Variants in SGSM2 observed in about 807,000 individuals in gnomAD.
SGSM2 encodes small G protein signaling modulator 2.
In SGSM2, 89 loss-of-function variants were observed where a neutral mutation model predicts 126.6. The ratio of observed to expected loss-of-function variants is 0.70; its 90% confidence interval spans 0.59 to 0.84. The LOEUF (loss-of-function observed/expected upper bound fraction) is 0.84, where lower values mean the gene tolerates loss of function less well. Among genes scored for constraint, SGSM2 ranks in the 40% least tolerant of loss-of-function variants. SGSM2 has a pLI of 0.00. For synonymous variants in SGSM2, 614 were observed against 574.3 expected (o/e 1.07, Z -0.99); for missense variants, 1,404 against 1,416.6 (o/e 0.99, Z 0.14).
rs747923919 is a variant in SGSM2, at chr17:2,362,844, C to T, written c.465C>T (p.Tyr155=). The T allele has an allele frequency of 1.2e-6, 2 of 1,614,080 alleles. No individual in the cohort carries two copies. Among genetic ancestry groups the T allele is most frequent in the Non-Finnish European group, 1.7e-6 (2 of 1,180,036 alleles). The change falls in exon 5 of 24, where the codon TAC becomes TAT. Residue 155 remains tyrosine, a synonymous_variant. Coordinates refer to ENST00000268989, the MANE Select transcript of SGSM2 (RefSeq NM_014853.3). This position sits in a 1 kb window ranked among gnomAD's most constrained non-coding sequence, Gnocchi z 4.9. ...VQYLAENCSK[Y]YEKEALLADP... is the part of the protein sequence containing the mutation. ...ACTGTCTGTCTCCTGGCAGCAAGTA[C>T]TACGAGAAGGAGGCACTGCTGGCAG...
At chr17:2,365,737 G>T (rs1001510494) in intron 11 of SGSM2, among the ~76,000 whole-genome samples, 37 of 149,888 alleles carry the variant, frequency 2.5e-4, no homozygotes, top group Non-Finnish European at 3.6e-4. Flanking sequence ...TATGGGACCA[G>T]CGCTACTTTT....
intron 2 of SGSM2, among the ~76,000 whole-genome samples, chr17:2,350,074 A>G (rs2064785553): frequency 6.6e-6 from 1 of 151,916 alleles, no homozygotes; most frequent in Non-Finnish European, 1.5e-5. Flanking sequence ...GGCGTAAGCC[A>G]CCACGCCTGG....
At chr17:2,352,816 C>T (rs1226480700) in intron 2 of SGSM2, among the ~76,000 whole-genome samples, 3 of 105,554 alleles carry the variant, frequency 2.8e-5, no homozygotes, top group East Asian at 7.2e-4. Flanking sequence ...CTCGCTCTGT[C>T]GCCCAGGCTG....
rs749372415 is a variant in SGSM2, at chr17:2,373,511, G to C, written c.2098G>C (p.Asp700His). 8.7e-6 allele frequency: 14 copies of C among 1,601,002 alleles called. No homozygotes were observed. Among genetic ancestry groups the C allele is most frequent in the Non-Finnish European group, 1.2e-5 (14 of 1,177,844 alleles). The change falls in exon 17 of 24, where the codon GAT (aspartate) becomes CAT (histidine). Residue 700 changes from aspartate to histidine, a missense_variant and splice_region_variant. Coordinates refer to ENST00000268989, the MANE Select transcript of SGSM2 (RefSeq NM_014853.3). ...LIHRDSTISN[D>H]VFISVDDLEP... ...CCACCGAGACTCCACCATCAGCAAC[G>C]ATGTGAGCCAGACGGGACCTGGAGG...
rs751377112 is a variant in SGSM2 at position 2,364,581 on chromosome 17, C to G, written c.933-15C>G. ...GGTCTTTGGACACAGTGACAGCAGT[C>G]TGGTTCCTTTCTAGCGTTTACTGGG... On this transcript the variant is annotated splice_polypyrimidine_tract_variant and intron_variant, in intron 8 of 23. Transcript: ENST00000268989. 5.5e-5 allele frequency: 88 copies of G among 1,613,914 alleles called. No individual in the cohort carries two copies. The highest frequency in any genetic ancestry group is 7.4e-5 in the Non-Finnish European group (87 of 1,179,892).
intron 2 of SGSM2, among the ~76,000 whole-genome samples, chr17:2,353,198 C>T (rs959570283): frequency 2.0e-5 from 3 of 152,146 alleles, no homozygotes; most frequent in Admixed American, 6.5e-5. Flanking sequence ...TCACCTGCTG[C>T]TGCCCTAAGC....
intron 10 of SGSM2, 42 bp from the exon 11 acceptor site, chr17:2,365,173 C>A: frequency 6.3e-7 from 1 of 1,592,864 alleles, no homozygotes; most frequent in South Asian, 1.1e-5. Flanking sequence ...CTGGATGAGA[C>A]TCTGCCCTAT....
At position 2,379,657 on chromosome 17, in the gene SGSM2, C is replaced by T. The variant is rs183087021; in HGVS notation, c.*137C>T. ...AACAAAGCGGTTGTGAGCCTGGATC[C>T]GACTCCCGGCAGTGCTGACCCTGCA... On this transcript the variant is annotated 3_prime_UTR_variant, in exon 24 of 24. Coordinates refer to ENST00000268989, the MANE Select transcript of SGSM2 (RefSeq NM_014853.3). 211 of 1,459,360 alleles carry T rather than the reference C, an allele frequency of 1.4e-4. 1 individual carries two copies. Among genetic ancestry groups the T allele is most frequent in the South Asian group, 4.9e-4 (36 of 72,870 alleles). The allele number at this position is 1,459,360 out of a possible 1,614,324, so 90.4% of individuals were successfully genotyped here.
At chr17:2,369,028 G>A (rs1238371226) in intron 12 of SGSM2, among the ~76,000 whole-genome samples, 1 of 152,194 alleles carries the variant, frequency 6.6e-6, no homozygotes, top group African/African-American at 2.4e-5. Context: ...GGGCTCATCT[G>A]TGCATCCTCT....
rs1304324760 is a variant in SGSM2 at position 2,337,665 on chromosome 17, C to T, written c.-24C>T. 5.5e-6 allele frequency: 8 copies of T among 1,452,264 alleles called. No individual in the cohort carries two copies. Among genetic ancestry groups the T allele is most frequent in the Non-Finnish European group, 3.7e-6 (4 of 1,090,124 alleles). 90.0% of individuals were successfully genotyped at this position (1,452,264 alleles called of 1,614,324 possible). A position where few individuals can be genotyped will look rare whatever the true frequency, so the allele number is the denominator to read the frequency against. ...GAGGGCGCGGGGGCTCTGAGGACCG[C>T]TCGGCGCCGCCTCCTGCCACACCAT... On this transcript the variant is annotated 5_prime_UTR_variant, in exon 1 of 24. Coordinates refer to ENST00000268989, the MANE Select transcript of SGSM2 (RefSeq NM_014853.3). The surrounding 1 kb of genome is among the most constrained non-coding windows in gnomAD (Gnocchi z 5.1).
intron 2 of SGSM2, 100 bp downstream of exon 2, chr17:2,343,720 A>G: frequency 1.0e-6 from 1 of 996,784 alleles, no homozygotes; most frequent in Non-Finnish European, 1.5e-6. Context: ...TAGCTCTCAA[A>G]TCTGGCTGCA....
At chr17:2,340,836 G>T (rs891150369) in intron 1 of SGSM2, among the ~76,000 whole-genome samples, 7 of 152,066 alleles carry the variant, frequency 4.6e-5, no homozygotes, top group Non-Finnish European at 8.8e-5. Context: ...CGCCCACCTT[G>T]GCCTCCCAAA....
In SGSM2 at chr17:2,379,017, A is replaced by G; in HGVS notation, c.2900-19A>G. The G allele has an allele frequency of 1.2e-6, 2 of 1,608,590 alleles. No individual in the cohort carries two copies. The highest frequency in any genetic ancestry group is 1.7e-6 in the Non-Finnish European group (2 of 1,176,220). On this transcript the variant is annotated intron_variant, in intron 22 of 23. Coordinates refer to ENST00000268989, the MANE Select transcript of SGSM2 (RefSeq NM_014853.3). ...TATGCGGCTAGGACGGGTGAGCAGC[A>G]GCCGCTTACTCTCCGCAGAACTGCT... is the stretch of plus-strand genomic sequence containing the variant.
At position 2,363,683 on chromosome 17, in the gene SGSM2, C is replaced by T; in HGVS notation, c.807+84C>T. On this transcript the variant is annotated intron_variant, in intron 7 of 23. Transcript: ENST00000268989. The surrounding 1 kb of genome is among the most constrained non-coding windows in gnomAD (Gnocchi z 4.2). ...GCCTCTAGCCATGGCTATTCCTTTC[C>T]TGAGGAGCTTGACCAGAGACGGGGG... The T allele has an allele frequency of 1.2e-5, 18 of 1,551,170 alleles. No homozygotes were observed. The highest frequency in any genetic ancestry group is 1.5e-5 in the Non-Finnish European group (17 of 1,143,320).
In SGSM2 at chr17:2,379,557, G is replaced by T; in HGVS notation, c.*37G>T. ...GAGGCAGCAGCCGTGCAGAGCCTGG[G>T]CTCCGGCAGGGAGAGGTGCAGGGGA... On this transcript the variant is annotated 3_prime_UTR_variant, in exon 24 of 24. Transcript: ENST00000268989. The T allele has an allele frequency of 6.3e-7, 1 of 1,595,818 alleles. No individual in the cohort carries two copies.
At chr17:2,342,963 C>T (rs1404001325) in intron 1 of SGSM2, among the ~76,000 whole-genome samples, 6 of 152,030 alleles carry the variant, frequency 3.9e-5, no homozygotes, top group African/African-American at 9.7e-5. Flanking sequence ...GGCAACAGAG[C>T]GAGACTCCAT....
chr17:2,351,271 G>A (rs991424817), intron 2 of SGSM2, among the ~76,000 whole-genome samples: 14 of 151,974 alleles, frequency 9.2e-5, no homozygotes, highest in African/African-American at 3.4e-4. Context: ...AAAAAGGAGA[G>A]GAGCTAGTGT....
intron 2 of SGSM2, among the ~76,000 whole-genome samples, chr17:2,347,094 CGTTT>C (rs1326953881): frequency 3.3e-5 from 5 of 151,608 alleles, no homozygotes; most frequent in East Asian, 1.9e-4. Context: ...GACCCTGTCT[CGTTT>C]GTTTGTTTAT....
chr17:2,354,892 G>A (rs970582429), intron 2 of SGSM2, among the ~76,000 whole-genome samples: 2 of 146,322 alleles, frequency 1.4e-5, no homozygotes, highest in African/African-American at 5.3e-5. Flanking sequence ...GTAAGCGTTG[G>A]GGAAGGGACC....
Sources: gnomAD v4.1 joint callset for allele counts (sites outside exome capture counted in the v4.1 genomes callset) on GRCh38, gnomAD v4.1.1 for gene constraint, Gnocchi (gnomAD v3.1) non-coding constraint, MANE v1.5 for transcripts, NCBI Gene and HGNC (gene_info 2026-07-23, HGNC 2026-07-21) for gene names.